The following VWA8 variants were observed in gnomAD, a reference collection of about 807,000 sequenced individuals.
VWA8 encodes the protein von Willebrand factor A domain-containing protein 8.
Under a neutral mutation model 241.5 loss-of-function variants are expected in VWA8, and 221 were observed. The observed-to-expected ratio is 0.91, with a 90% CI of 0.82 to 1.02. The LOEUF (loss-of-function observed/expected upper bound fraction) is 1.02. Ranked by LOEUF, VWA8 falls within the 50% of genes least tolerant of loss-of-function variation. VWA8 has a pLI of 0.00. For synonymous variants in VWA8, 852 were observed against 827.1 expected, an observed-to-expected ratio of 1.03 and a Z score of -0.52; for missense variants, 2,322 against 2,328.7, an observed-to-expected ratio of 1.00 and a Z score of 0.06.
At chr13:41,649,049 TG>T (rs35508381) in intron 37 of VWA8, among the ~76,000 whole-genome samples, 1 of 151,514 alleles carries the variant, frequency 6.6e-6, no homozygotes, top group Non-Finnish European at 1.5e-5. Flanking sequence ...CTGGGCGTGG[TG>T]GGGGGGTGCC....
chr13:41,616,141 T>C (rs1405481071), intron 37 of VWA8, among the ~76,000 whole-genome samples: 6 of 152,214 alleles, frequency 3.9e-5, no homozygotes, highest in African/African-American at 1.4e-4. Flanking sequence ...TGTTGGTATA[T>C]GGGATTTTCA....
chr13:41,884,577 A>AG (rs1481822071), intron 8 of VWA8, among the ~76,000 whole-genome samples: 1 of 113,474 alleles, frequency 8.8e-6, no homozygotes, highest in East Asian at 2.9e-4. Flanking sequence ...CAAATGGTTC[A>AG]GGAAAAAAAA....
At chr13:41,707,503 C>T (rs1311275605) in intron 26 of VWA8, among the ~76,000 whole-genome samples, 1 of 151,888 alleles carries the variant, frequency 6.6e-6, no homozygotes, top group Non-Finnish European at 1.5e-5. Flanking sequence ...CAACAACTCT[C>T]AAAAATTCAA....
chr13:41,948,719 A>G (rs932982450), intron 2 of VWA8, among the ~76,000 whole-genome samples: 1 of 152,156 alleles, frequency 6.6e-6, no homozygotes, highest in African/African-American at 2.4e-5. Flanking sequence ...TGACATATCA[A>G]CTCAACTCCT....
At chr13:41,638,913 C>G (rs1227813390) in intron 37 of VWA8, among the ~76,000 whole-genome samples, 1 of 151,980 alleles carries the variant, frequency 6.6e-6, no homozygotes, top group South Asian at 2.1e-4. Context: ...AAGGATGGAG[C>G]CAGTGCCTGA....
intron 9 of VWA8, among the ~76,000 whole-genome samples, chr13:41,871,019 AT>A (rs1234355987): frequency 3.9e-5 from 6 of 152,160 alleles, no homozygotes; most frequent in Non-Finnish European, 7.3e-5. Context: ...CAACTCCATC[AT>A]TTAAGTTTCT....
chr13:41,739,858 T>A (rs1169184), intron 21 of VWA8, among the ~76,000 whole-genome samples: 2 of 27,436 alleles, frequency 7.3e-5, no homozygotes, highest in Non-Finnish European at 2.1e-4. Flanking sequence ...GTTTTTTTTG[T>A]TTTTTTTTTT....
At chr13:41,580,978 C>CTATTT (rs562896724) in intron 42 of VWA8, among the ~76,000 whole-genome samples, 1,367 of 129,636 alleles carry the variant, frequency 0.011, 183 homozygotes, top group South Asian at 0.017. Context: ...AGTGAGTCAT[C>CTATTT]TATTTTATTT....
At chr13:41,684,072 A>G (rs965172572) in intron 35 of VWA8, among the ~76,000 whole-genome samples, 4 of 152,164 alleles carry the variant, frequency 2.6e-5, no homozygotes, top group African/African-American at 9.7e-5. Flanking sequence ...TTGTGTTTAT[A>G]TATCACCTTG....
rs1039231861 is a variant in VWA8, at chr13:41,960,949, G to A, written c.67C>T (p.Arg23Trp). The change falls in exon 1 of 45, where the codon CGG (arginine) becomes TGG (tryptophan). Residue 23 changes from arginine (R) to tryptophan (W), a missense_variant. Physicochemically the swap from Arg to Trp is moderately radical, Grantham distance 101. Coordinates refer to ENST00000379310, the MANE Select transcript of VWA8 (RefSeq NM_015058.2). ...GHGGPASRRM[R>W]LLLRQVVQRR... is the part of the protein sequence containing the mutation. ...TGCACCACCTGCCGCAGGAGCAGCC[G>A]CATGCGCCGCGAGGCCGGGCCGCCG... 2 of 1,469,852 alleles carry A rather than the reference G, an allele frequency of 1.4e-6. No individual in the cohort carries two copies. The highest frequency in any genetic ancestry group is 2.4e-5 in the Admixed American group (1 of 40,838). The allele number at this position is 1,469,852 out of a possible 1,614,324, so 91.1% of individuals were successfully genotyped here. A position where few individuals can be genotyped will look rare whatever the true frequency, so the allele number is the denominator to read the frequency against.
intron 37 of VWA8, among the ~76,000 whole-genome samples, chr13:41,631,454 C>G (rs2044726423): frequency 6.6e-6 from 1 of 152,076 alleles, no homozygotes; most frequent in Admixed American, 6.6e-5. Context: ...GGCCGAGCTC[C>G]TCACTGGGCC....
chr13:41,829,151 C>T (rs1871303895), intron 14 of VWA8, among the ~76,000 whole-genome samples: 1 of 152,076 alleles, frequency 6.6e-6, no homozygotes, highest in Non-Finnish European at 1.5e-5. Flanking sequence ...CATTTAAATG[C>T]TTATTTAAAA....
Position 41,691,337 on chromosome 13 carries a change from C to T in VWA8, c.3849G>A (p.Val1283=), listed in dbSNP as rs1167178875. Residue 1283 remains valine, a synonymous_variant, in exon 32 of 45, where the codon GTG becomes GTA. Coordinates refer to ENST00000379310, the MANE Select transcript of VWA8 (RefSeq NM_015058.2). ...FLVAEDKWLL[V]ESKTNQKYLL... ...CCACTCACTGATTTGTTTTGCTCTCCACCAGAAGCCATTTGTCCTCTGCTA... is the reference window on the plus strand; with the variant it reads ...CCACTCACTGATTTGTTTTGCTCTCTACCAGAAGCCATTTGTCCTCTGCTA... 1 of 1,612,298 alleles carries T rather than the reference C, an allele frequency of 6.2e-7. No homozygotes were observed. The highest frequency in any genetic ancestry group is 8.5e-7 in the Non-Finnish European group (1 of 1,178,798).
chr13:41,586,069 A>G (rs866676575), intron 42 of VWA8, among the ~76,000 whole-genome samples: 5 of 152,002 alleles, frequency 3.3e-5, no homozygotes, highest in African/African-American at 9.7e-5. Flanking sequence ...TTAGTCATCA[A>G]TGGTCCAAGT....
chr13:41,608,946 C>A (rs937139930), intron 39 of VWA8, among the ~76,000 whole-genome samples: 21 of 152,220 alleles, frequency 1.4e-4, no homozygotes, highest in East Asian at 1.9e-4. Flanking sequence ...GCATTAGGCT[C>A]TCCAAGGCAC....
At chr13:41,699,804 A>G (rs766812670) in intron 28 of VWA8, among the ~76,000 whole-genome samples, 5 of 152,154 alleles carry the variant, frequency 3.3e-5, no homozygotes, top group African/African-American at 7.2e-5. Flanking sequence ...ATTTCTTACT[A>G]TAAAATCTCT....
chr13:41,611,417 T>A (rs1383546226), intron 39 of VWA8, among the ~76,000 whole-genome samples, 159 bp downstream of exon 39: 1 of 152,214 alleles, frequency 6.6e-6, no homozygotes, highest in Non-Finnish European at 1.5e-5. Context: ...TATTTGGCTG[T>A]TTCCGTTAGG....
At chr13:41,864,047 A>C (rs1165065387) in intron 12 of VWA8, among the ~76,000 whole-genome samples, 1 of 152,146 alleles carries the variant, frequency 6.6e-6, no homozygotes, top group Non-Finnish European at 1.5e-5. Context: ...GCCAGTAAGT[A>C]CATGAAAAAG....
intron 20 of VWA8, among the ~76,000 whole-genome samples, chr13:41,762,994 C>T (rs1050028656): frequency 6.6e-6 from 1 of 151,884 alleles, no homozygotes; most frequent in African/African-American, 2.4e-5. Context: ...ACGGGCCAGG[C>T]GCATGACTCA....
Sources: allele counts gnomAD v4.1 joint callset (sites outside exome capture counted in the v4.1 genomes callset), GRCh38; gene constraint gnomAD v4.1.1; transcripts MANE v1.5; gene names NCBI Gene and HGNC (gene_info 2026-07-23, HGNC 2026-07-21).